Variants in CIT observed in about 807,000 individuals in gnomAD.
The protein encoded by CIT is citron Rho-interacting kinase.
In CIT, 79 loss-of-function variants were observed where a neutral mutation model predicts 272.7. The observed-to-expected ratio is 0.29, with a 90% CI of 0.24 to 0.35. CIT has a LOEUF of 0.35. CIT is among the 10% of genes least tolerant of loss of function. The probability of loss-of-function intolerance (pLI) is 1.00; values close to 1 mark genes in which losing one functional copy is unlikely to be tolerated. For synonymous variants in CIT, 948 were observed against 995.6 expected (o/e 0.95, Z 0.90); for missense variants, 1,909 against 2,618.3 (o/e 0.73, Z 5.91).
intron 5 of CIT, among the ~76,000 whole-genome samples, chr12:119,843,284 AGG>A (rs1969534630): frequency 1.3e-5 from 2 of 152,214 alleles, no homozygotes; most frequent in Admixed American, 6.5e-5. Context: ...AGAGGACAGC[AGG>A]GAGTCTTGAA....
At chr12:119,732,594 C>T (rs1279047036) in intron 26 of CIT, among the ~76,000 whole-genome samples, 2 of 152,210 alleles carry the variant, frequency 1.3e-5, no homozygotes, top group South Asian at 4.1e-4. Flanking sequence ...GGAACTATTT[C>T]TACCATTTCT....
intron 24 of CIT, among the ~76,000 whole-genome samples, chr12:119,738,355 G>T (rs1958888310): frequency 6.6e-6 from 1 of 152,082 alleles, no homozygotes; most frequent in Non-Finnish European, 1.5e-5. Flanking sequence ...CTACTTTCTG[G>T]TCCTGGGTAT....
chr12:119,792,774 C>G (rs1593767442), intron 10 of CIT, among the ~76,000 whole-genome samples: 1 of 152,116 alleles, frequency 6.6e-6, no homozygotes, highest in Non-Finnish European at 1.5e-5. Flanking sequence ...CATCTGGCCT[C>G]TGAACTAATT....
At chr12:119,736,844 A>C (rs564064916) in intron 24 of CIT, among the ~76,000 whole-genome samples, 3 of 152,272 alleles carry the variant, frequency 2.0e-5, no homozygotes, top group African/African-American at 7.2e-5. Context: ...GATGTTTTTC[A>C]TAATGTCTCC....
At chr12:119,863,201 C>CGAAAAA (rs1301019400) in intron 3 of CIT, among the ~76,000 whole-genome samples, 2 of 40,510 alleles carry the variant, frequency 4.9e-5, no homozygotes, top group African/African-American at 1.7e-4. Context: ...GACTCTGTAT[C>CGAAAAA]AAAAAAAAAA....
rs1380107992 is a variant in CIT, at chr12:119,770,079, AG to A, written c.2208+705del. On this transcript the variant is annotated intron_variant, in intron 18 of 47. Transcript: ENST00000392521. The surrounding 1 kb of genome is among the most constrained non-coding windows in gnomAD (Gnocchi z 4.4). ...TGTCAAATTTCTGGCTGTGGGACTG[AG>A]GTCCAAGGAGAGCCCTTCAAAGGTG... is the stretch of plus-strand genomic sequence containing the variant. Among the ~76,000 whole-genome samples the A allele has an allele frequency of 6.6e-6, 1 of 152,172 alleles. No individual in the cohort carries two copies. Among genetic ancestry groups the A allele is most frequent in the Non-Finnish European group, 1.5e-5 (1 of 68,032 alleles).
intron 22 of CIT, among the ~76,000 whole-genome samples, chr12:119,756,958 G>A (rs1452503864): frequency 6.6e-6 from 1 of 151,996 alleles, no homozygotes; most frequent in Non-Finnish European, 1.5e-5. Flanking sequence ...GCAAAACCCT[G>A]TCTCTACAAA....
intron 7 of CIT, among the ~76,000 whole-genome samples, chr12:119,830,874 A>C (rs17442916): frequency 0.014 from 2,203 of 152,262 alleles, 29 homozygotes; most frequent in Non-Finnish European, 0.02. Context: ...TGCAGCATAT[A>C]AATTTGTTTT....
chr12:119,699,924 T>A (rs1956458166), intron 44 of CIT: 3 of 455,932 alleles, frequency 6.6e-6, no homozygotes, highest in Non-Finnish European at 1.3e-5. Flanking sequence ...CTTGTATGTG[T>A]ATGTGTGTTT....
chr12:119,689,569 A>C (rs909356406), intron 47 of CIT, among the ~76,000 whole-genome samples: 4 of 151,758 alleles, frequency 2.6e-5, no homozygotes, highest in Admixed American at 2.0e-4. Flanking sequence ...CCTCTGGAGA[A>C]GGGAAAACAT....
chr12:119,712,458 CCG>C lies in CIT; in HGVS notation c.4685-113_4685-112del. The C allele has an allele frequency of 7.1e-7, 1 of 1,418,276 alleles. No individual in the cohort carries two copies. 87.9% of individuals were successfully genotyped at this position (1,418,276 alleles called of 1,614,324 possible). A position where few individuals can be genotyped will look rare whatever the true frequency, so the allele number is the denominator to read the frequency against. On this transcript the variant is annotated intron_variant, in intron 36 of 47. Coordinates refer to ENST00000392521, the MANE Select transcript of CIT (RefSeq NM_001206999.2). The surrounding 1 kb of genome is among the most constrained non-coding windows in gnomAD (Gnocchi z 5.2). ...CACCAAACCACGCAAATCCCAGTTA[CCG>C]CCAAGGCGGGGAGCGGAGGAAGATG...
intron 3 of CIT, among the ~76,000 whole-genome samples, chr12:119,860,409 T>C (rs7971089): frequency 0.045 from 6,899 of 152,252 alleles, 291 homozygotes; most frequent in African/African-American, 0.11. Flanking sequence ...CACGGTATTT[T>C]CCTTTTACCC....
intron 22 of CIT, among the ~76,000 whole-genome samples, chr12:119,753,991 C>T (rs1384014797): frequency 1.3e-5 from 2 of 152,140 alleles, no homozygotes; most frequent in Admixed American, 6.5e-5. Flanking sequence ...GATTGGCAAC[C>T]TGGATCCAGG....
At chr12:119,788,112 A>C (rs1860935701) in intron 10 of CIT, among the ~76,000 whole-genome samples, 2 of 152,360 alleles carry the variant, frequency 1.3e-5, no homozygotes, top group African/African-American at 4.8e-5. Context: ...GTGATTATTC[A>C]TAGAAATGGG....
intron 4 of CIT, among the ~76,000 whole-genome samples, chr12:119,852,148 A>T (rs1970260445): frequency 6.6e-6 from 1 of 152,258 alleles, no homozygotes; most frequent in African/African-American, 2.4e-5. Flanking sequence ...CATAAATGTG[A>T]TCAACTGAAA....
At chr12:119,812,808 C>T (rs898894143) in intron 9 of CIT, among the ~76,000 whole-genome samples, 7 of 151,052 alleles carry the variant, frequency 4.6e-5, no homozygotes, top group African/African-American at 1.7e-4. Context: ...ACATCGCACC[C>T]GGCTAGTCTC....
At chr12:119,764,090 C>G (rs1051263339) in intron 19 of CIT, among the ~76,000 whole-genome samples, 3 of 152,160 alleles carry the variant, frequency 2.0e-5, no homozygotes, top group African/African-American at 7.2e-5. Flanking sequence ...TTTATAGCCT[C>G]AGTGGTCAAG....
chr12:119,726,346 G>GCCTCTAGTC (rs1467156427), intron 28 of CIT, among the ~76,000 whole-genome samples: 8 of 146,808 alleles, frequency 5.4e-5, no homozygotes, highest in Non-Finnish European at 1.2e-4. Flanking sequence ...AGCCTCCTGA[G>GCCTCTAGTC]TAGCTGGGAC....
chr12:119,715,949 A>G (rs1305595316), intron 32 of CIT, among the ~76,000 whole-genome samples: 1 of 152,208 alleles, frequency 6.6e-6, no homozygotes, highest in African/African-American at 2.4e-5. Context: ...ATGCACTTTG[A>G]AACTGTGTGG....
Sources: allele counts gnomAD v4.1 joint callset (sites outside exome capture counted in the v4.1 genomes callset), GRCh38; gene constraint gnomAD v4.1.1; non-coding constraint Gnocchi (gnomAD v3.1); transcripts MANE v1.5; gene names NCBI Gene and HGNC (gene_info 2026-07-23, HGNC 2026-07-21).